The following PRKG1 variants were observed in gnomAD, a reference collection of about 807,000 sequenced individuals.
The protein encoded by PRKG1 is cGMP-dependent protein kinase 1.
PRKG1 carries 35 observed loss-of-function variants against 88.1 expected under a neutral mutation model. The ratio of observed to expected loss-of-function variants is 0.40; its 90% CI spans 0.30 to 0.53. The LOEUF is 0.53. Among genes scored for constraint, PRKG1 ranks in the 20% least tolerant of loss-of-function variants. PRKG1 has a pLI of 0.59. For missense variants in PRKG1, 540 were observed against 839.8 expected (o/e 0.64, Z 4.41); for synonymous variants, 303 against 292.5 (o/e 1.04, Z -0.37).
intron 2 of PRKG1, among the ~76,000 whole-genome samples, chr10:51,388,286 GAC>G (rs1837302612): frequency 6.6e-6 from 1 of 152,152 alleles, no homozygotes; most frequent in Non-Finnish European, 1.5e-5. Context: ...CATCTGATCT[GAC>G]TCTCTTACTT....
At chr10:51,342,431 A>G (rs1198707037) in intron 2 of PRKG1, among the ~76,000 whole-genome samples, 1 of 152,210 alleles carries the variant, frequency 6.6e-6, no homozygotes, top group East Asian at 1.9e-4. Flanking sequence ...CAAACTTTCT[A>G]AGAGACACAG....
chr10:51,089,561 C>T (rs1281701640), intron 1 of PRKG1, among the ~76,000 whole-genome samples: 1 of 152,178 alleles, frequency 6.6e-6, no homozygotes, highest in Non-Finnish European at 1.5e-5. Context: ...CTTAGCTCTT[C>T]AGGATGGAAA....
At chr10:51,311,859 G>A (rs1841194560) in intron 2 of PRKG1, among the ~76,000 whole-genome samples, 1 of 151,996 alleles carries the variant, frequency 6.6e-6, no homozygotes, top group African/African-American at 2.4e-5. Context: ...CACACCTGTA[G>A]GCCTTCTTTC....
chr10:52,005,547 A>G (rs1284846312), intron 5 of PRKG1, among the ~76,000 whole-genome samples: 3 of 151,884 alleles, frequency 2.0e-5, no homozygotes, highest in African/African-American at 4.8e-5. Flanking sequence ...TTCTGTTTGA[A>G]CTCAACTGGT....
intron 1 of PRKG1, among the ~76,000 whole-genome samples, chr10:51,039,591 GTGTT>G (rs1843394484): frequency 6.6e-6 from 1 of 151,986 alleles, no homozygotes; most frequent in African/African-American, 2.4e-5. Context: ...GTGTGTGTGT[GTGTT>G]TGTTTTGTCT....
intron 2 of PRKG1, among the ~76,000 whole-genome samples, chr10:51,442,357 T>C (rs1386160722): frequency 1.3e-5 from 2 of 152,048 alleles, no homozygotes; most frequent in Non-Finnish European, 2.9e-5. Flanking sequence ...AATTTAATCA[T>C]TTAGCTAATT....
intron 2 of PRKG1, among the ~76,000 whole-genome samples, chr10:51,252,785 A>G (rs1438496632): frequency 6.6e-6 from 1 of 151,870 alleles, no homozygotes; most frequent in East Asian, 1.9e-4. Flanking sequence ...ATAGAAATGT[A>G]CTGTAATGTT....
chr10:51,992,334 T>G (rs1380042170), intron 5 of PRKG1, among the ~76,000 whole-genome samples: 1 of 152,112 alleles, frequency 6.6e-6, no homozygotes, highest in African/African-American at 2.4e-5. Flanking sequence ...AATCTACTGA[T>G]CTAGACTAAG....
intron 2 of PRKG1, among the ~76,000 whole-genome samples, chr10:51,345,113 G>A (rs1842083743): frequency 6.6e-6 from 1 of 151,968 alleles, no homozygotes; most frequent in Non-Finnish European, 1.5e-5. Context: ...TGGGTGCTGC[G>A]TTTATGTCAG....
chr10:51,369,733 C>A (rs934298449), intron 2 of PRKG1, among the ~76,000 whole-genome samples: 1 of 152,060 alleles, frequency 6.6e-6, no homozygotes, highest in Non-Finnish European at 1.5e-5. Context: ...ACAACTCTCA[C>A]CACCTTTATT....
intron 5 of PRKG1, among the ~76,000 whole-genome samples, chr10:52,016,434 C>A (rs1280449509): frequency 1.3e-5 from 2 of 152,124 alleles, no homozygotes; most frequent in Non-Finnish European, 1.5e-5. Context: ...CAGTCACCTC[C>A]CACCAGATCA....
At chr10:52,178,773 T>G (rs1329602986) in intron 9 of PRKG1, among the ~76,000 whole-genome samples, 1 of 152,180 alleles carries the variant, frequency 6.6e-6, no homozygotes, top group Non-Finnish European at 1.5e-5. Flanking sequence ...TTGGAGTTTA[T>G]GACTTAAATC....
At chr10:51,626,083 A>G (rs1243148175) in intron 3 of PRKG1, among the ~76,000 whole-genome samples, 1 of 152,192 alleles carries the variant, frequency 6.6e-6, no homozygotes, top group Non-Finnish European at 1.5e-5. Context: ...CAGGCATCTT[A>G]TGTGATCGAA....
At chr10:51,823,305 T>C (rs1839796726) in intron 4 of PRKG1, among the ~76,000 whole-genome samples, 1 of 152,194 alleles carries the variant, frequency 6.6e-6, no homozygotes, top group Non-Finnish European at 1.5e-5. Flanking sequence ...GATAGATCCA[T>C]GCTTTTGGGG....
chr10:51,487,335 A>G (rs949880303), intron 3 of PRKG1, among the ~76,000 whole-genome samples: 1 of 152,136 alleles, frequency 6.6e-6, no homozygotes, highest in African/African-American at 2.4e-5. Context: ...TTGAGTTAGT[A>G]TTTTTTTGAG....
intron 4 of PRKG1, among the ~76,000 whole-genome samples, chr10:51,848,029 C>T (rs2132796204): frequency 7.3e-6 from 1 of 137,494 alleles, no homozygotes; most frequent in South Asian, 2.6e-4. Context: ...TTTCCTTAGG[C>T]TTTCAGCAGT....
intron 2 of PRKG1, among the ~76,000 whole-genome samples, chr10:51,205,583 T>C (rs1320537618): frequency 6.6e-6 from 1 of 151,054 alleles, no homozygotes; most frequent in Non-Finnish European, 1.5e-5. Flanking sequence ...TTGCCCTAGC[T>C]GGAGTGCAGT....
rs938708994 is a variant in PRKG1, at chr10:51,619,440, T to G, written c.592+151604T>G. 2.6e-5 allele frequency among the ~76,000 whole-genome samples: 4 copies of G among 152,188 alleles called. No homozygotes were observed. The East Asian group carries it at 7.7e-4, about 29-fold the overall frequency. ...TAAAGACAGGGTGGGGAAGATTCTC[T>G]GAAAGACATTTTTGTTTTGAAGGTT... On this transcript the variant is annotated intron_variant, in intron 3 of 17. Coordinates refer to ENST00000373980, the MANE Select transcript of PRKG1 (RefSeq NM_006258.4).
At chr10:51,162,250 A>C (rs1364259504) in intron 2 of PRKG1, among the ~76,000 whole-genome samples, 2 of 150,344 alleles carry the variant, frequency 1.3e-5, no homozygotes, top group African/African-American at 4.9e-5. Flanking sequence ...CACCCCCACC[A>C]CAGAGAACAT....
Sources: allele counts gnomAD v4.1 joint callset (sites outside exome capture counted in the v4.1 genomes callset), GRCh38; gene constraint gnomAD v4.1.1; transcripts MANE v1.5; gene names NCBI Gene and HGNC (gene_info 2026-07-23, HGNC 2026-07-21).